The following KCNK16 variants were observed in gnomAD, a reference collection of about 807,000 sequenced individuals.
KCNK16 encodes the protein potassium channel subfamily K member 16.
Under a neutral mutation model 23.0 loss-of-function variants are expected in KCNK16, and 23 were observed. The ratio of observed to expected loss-of-function variants is 1.00; its 90% confidence interval spans 0.72 to 1.41. The LOEUF (loss-of-function observed/expected upper bound fraction) is 1.41, where lower values mean the gene tolerates loss of function less well. KCNK16 is among the 40% of genes most tolerant of loss of function. The pLI is 0.00. For missense variants in KCNK16, 327 were observed against 365.8 expected (o/e 0.89, Z 0.87); for synonymous variants, 145 against 153.5 (o/e 0.94, Z 0.41).
chr6:39,315,701 C>T (rs1307370577), downstream of KCNK16, among the ~76,000 whole-genome samples: 2 of 152,176 alleles, frequency 1.3e-5, no homozygotes, highest in Non-Finnish European at 2.9e-5. Flanking sequence ...GGGCTATTCC[C>T]ATCATAGCAT....
downstream of KCNK16, chr6:39,315,238 G>A (rs1266431855): frequency 1.2e-6 from 2 of 1,611,604 alleles, no homozygotes; most frequent in Non-Finnish European, 1.7e-6. Flanking sequence ...ATCTCTCCTG[G>A]TCAGGGATGT....
intron 1 of KCNK16, among the ~76,000 whole-genome samples, chr6:39,321,330 G>T (rs1166296172): frequency 2.0e-5 from 3 of 152,198 alleles, no homozygotes; most frequent in African/African-American, 7.2e-5. Context: ...CAGAGGCCTG[G>T]GAGTGAATGC....
Position 39,322,598 on chromosome 6 carries a change from C to G in KCNK16, c.-58G>C. 1 of 1,524,228 alleles carries G rather than the reference C, an allele frequency of 6.6e-7. No individual in the cohort carries two copies. The highest frequency in any genetic ancestry group is 8.8e-7 in the Non-Finnish European group (1 of 1,139,576). The allele number at this position is 1,524,228 out of a possible 1,614,324, so 94.4% of individuals were successfully genotyped here. A position where few individuals can be genotyped will look rare whatever the true frequency, so the allele number is the denominator to read the frequency against. On this transcript the variant is annotated 5_prime_UTR_variant, in exon 1 of 5. Transcript: ENST00000437525. ...CTGGCTATGGGGGAGAGGTGGGAAA[C>G]AGGTGAGGAGTAAGCACCTAGGGGC... is the stretch of plus-strand genomic sequence containing the variant.
At chr6:39,318,044 C>T (rs1233311840) in intron 2 of KCNK16, 92 bp from the exon 3 acceptor site, 1 of 1,308,180 alleles carries the variant, frequency 7.6e-7, no homozygotes, top group Non-Finnish European at 1.0e-6. Context: ...TGTCTGTCAC[C>T]ACCTCTGGGG....
intron 4 of KCNK16, 28 bp from the exon 5 acceptor site, chr6:39,316,470 C>A: frequency 1.3e-6 from 2 of 1,575,688 alleles, no homozygotes; most frequent in East Asian, 2.3e-5. Flanking sequence ...GGCATCAATG[C>A]CAGGGGTCTC....
chr6:39,314,962 T>G (rs1762252643), downstream of KCNK16: 2 of 1,525,502 alleles, frequency 1.3e-6, no homozygotes, highest in Admixed American at 2.1e-5. Context: ...CTACCTGGAG[T>G]GGAGGAAGCG....
chr6:39,316,478 C>G, intron 4 of KCNK16, 36 bp from the exon 5 acceptor site: 12 of 1,564,026 alleles, frequency 7.7e-6, no homozygotes, highest in Non-Finnish European at 1.0e-5. Flanking sequence ...TGCCAGGGGT[C>G]TCAGGGCATA....
At position 39,319,012 on chromosome 6, in the gene KCNK16, C is replaced by G. The variant is rs1042806834; in HGVS notation, c.328+7G>C. On this transcript the variant is annotated splice_region_variant and intron_variant, in intron 2 of 4. Transcript: ENST00000437525. This position sits in a 1 kb window ranked among gnomAD's most constrained non-coding sequence, Gnocchi z 4.2. ...TGGGGAAGCTCTTCTCTACCCCAGCCCTTTACCTATGGTAGTGACGACTGT... is the reference window on the plus strand; with the variant it reads ...TGGGGAAGCTCTTCTCTACCCCAGCGCTTTACCTATGGTAGTGACGACTGT... 1 of 1,594,686 alleles carries G rather than the reference C, an allele frequency of 6.3e-7. No homozygotes were observed. The highest frequency in any genetic ancestry group is 8.6e-7 in the Non-Finnish European group (1 of 1,162,364).
downstream of KCNK16, among the ~76,000 whole-genome samples, chr6:39,315,683 C>G (rs896182173): frequency 6.6e-6 from 1 of 152,200 alleles, no homozygotes; most frequent in Non-Finnish European, 1.5e-5. Flanking sequence ...GGGCTCTCAT[C>G]AACCCTGGGG....
intron 1 of KCNK16, among the ~76,000 whole-genome samples, chr6:39,321,073 C>T (rs1423185241): frequency 6.6e-6 from 1 of 152,224 alleles, no homozygotes; most frequent in Non-Finnish European, 1.5e-5. Context: ...TCTAGGCCAG[C>T]TGTTCTCAGT....
chr6:39,322,769 T>G, upstream of KCNK16: 1 of 575,112 alleles, frequency 1.7e-6, no homozygotes, highest in Non-Finnish European at 2.9e-6. Context: ...CCACCCGGCC[T>G]TTGTTTCCAT....
Position 39,322,655 on chromosome 6 carries a change from C to A in KCNK16, c.-115G>T. On this transcript the variant is annotated 5_prime_UTR_variant, in exon 1 of 5. It adds an upstream start codon to the 5' untranslated region. Coordinates refer to ENST00000437525, the MANE Select transcript of KCNK16 (RefSeq NM_001135106.2). ...CCAGGCTGCCGCCTGCCCTGCCCTCCTCCTCGGCACAGGTGTCTGGAGGCT... is the reference window on the plus strand; with the variant it reads ...CCAGGCTGCCGCCTGCCCTGCCCTCATCCTCGGCACAGGTGTCTGGAGGCT... 1 of 1,423,760 alleles carries A rather than the reference C, an allele frequency of 7.0e-7. No homozygotes were observed. Among genetic ancestry groups the A allele is most frequent in the Non-Finnish European group, 9.3e-7 (1 of 1,079,436 alleles). The allele number at this position is 1,423,760 out of a possible 1,614,324, so 88.2% of individuals were successfully genotyped here. A position where few individuals can be genotyped will look rare whatever the true frequency, so the allele number is the denominator to read the frequency against.
At chr6:39,317,984 G>C (rs1403982566) in intron 2 of KCNK16, 32 bp from the exon 3 acceptor site, 12 of 1,571,784 alleles carry the variant, frequency 7.6e-6, no homozygotes, top group Non-Finnish European at 1.0e-5. Context: ...TGCAAATATG[G>C]AGACTCTAGA....
rs538536250 is a variant in KCNK16 at position 39,318,180 on chromosome 6, G to A, written c.329-228C>T. Among the ~76,000 whole-genome samples, 4 of 152,302 alleles carry A rather than the reference G, an allele frequency of 2.6e-5. No homozygotes were observed. In the South Asian group the frequency reaches 6.2e-4, roughly 24 times the overall value. On this transcript the variant is annotated intron_variant, in intron 2 of 4. Coordinates refer to ENST00000437525, the MANE Select transcript of KCNK16 (RefSeq NM_001135106.2). ...CCTCCATGAAGCCCTCCTGACTGCC[G>A]ATTTCCTTCTCCCTTCTGGGTGTGG...
intron 3 of KCNK16, 41 bp from the exon 4 acceptor site, chr6:39,316,988 C>G (rs1355814020): frequency 6.3e-7 from 1 of 1,580,492 alleles, no homozygotes; most frequent in Admixed American, 1.8e-5. Flanking sequence ...ACTTGAAAGT[C>G]TCCAGGATTG....
rs1415805121 is a variant in KCNK16, at chr6:39,316,769, G to A, written c.661+13C>T. On this transcript the variant is annotated intron_variant, in intron 4 of 4. Transcript: ENST00000437525. ...ACCCCCACCCTGAGATAATGTGACT[G>A]TTTTGTTCTCACCAACAACATAGTC... 4 of 1,612,204 alleles carry A rather than the reference G, an allele frequency of 2.5e-6. No individual in the cohort carries two copies. The highest frequency in any genetic ancestry group is 2.2e-5 in the South Asian group (2 of 90,708).
At chr6:39,315,213 G>A (rs1433620365), downstream of KCNK16, 2 of 1,614,004 alleles carry the variant, frequency 1.2e-6, no homozygotes. Flanking sequence ...CAGGCCCCGG[G>A]ATGGAGTGGT....
chr6:39,316,840 C>T lies in KCNK16; in HGVS notation c.603G>A (p.Glu201=). 1 of 1,614,090 alleles carries T rather than the reference C, an allele frequency of 6.2e-7. No homozygotes were observed. Among genetic ancestry groups the T allele is most frequent in the South Asian group, 1.1e-5 (1 of 91,056 alleles). ...GAGTGATGAAAGCAAAGTAGAAGCC[C>T]TCGCTGAAGCTCCAGCCCTCCACAT... ...FSHVEGWSFS[E]GFYFAFITLS... The change falls in exon 4 of 5, where the codon GAG becomes GAA. Residue 201 remains glutamate (E), a synonymous_variant. Transcript: ENST00000437525.
In KCNK16 at chr6:39,319,746, A is replaced by AGTGT. The variant is rs146841804; in HGVS notation, c.214-617_214-614dup. ...GGCCAAGACAAAGGTGGCACGTGTG[A>AGTGT]GTGTGTGTGTGTGTGTGTGTGTGTG... On this transcript the variant is annotated intron_variant, in intron 1 of 4. Transcript: ENST00000437525. The surrounding 1 kb of genome is among the most constrained non-coding windows in gnomAD (Gnocchi z 4.2). Among the ~76,000 whole-genome samples, 24,776 of 148,226 alleles carry AGTGT rather than the reference A, an allele frequency of 0.17. 2,152 individuals are homozygous for AGTGT. Among genetic ancestry groups the AGTGT allele is most frequent in the Admixed American group, 0.23 (3,392 of 14,944 alleles).
Sources: gnomAD v4.1 joint callset for allele counts (sites outside exome capture counted in the v4.1 genomes callset) on GRCh38, gnomAD v4.1.1 for gene constraint, Gnocchi (gnomAD v3.1) non-coding constraint, MANE v1.5 for transcripts, NCBI Gene and HGNC (gene_info 2026-07-23, HGNC 2026-07-21) for gene names.